The following PLXDC2 variants were observed in gnomAD, a reference collection of about 807,000 sequenced individuals.
The protein encoded by PLXDC2 is plexin domain containing 2.
A neutral mutation model predicts 68.9 loss-of-function variants in PLXDC2; 40 were observed. The ratio of observed to expected loss-of-function variants is 0.58; its 90% CI spans 0.45 to 0.76. PLXDC2 has a LOEUF of 0.76. PLXDC2 is among the 30% of genes least tolerant of loss of function. The pLI is 0.00. For synonymous variants in PLXDC2, 243 were observed against 234.2 expected, an observed-to-expected ratio of 1.04 and a Z score of -0.34; for missense variants, 644 against 661.9, an observed-to-expected ratio of 0.97 and a Z score of 0.30.
intron 1 of PLXDC2, among the ~76,000 whole-genome samples, chr10:19,982,421 G>A (rs1367377713): frequency 6.6e-6 from 1 of 152,128 alleles, no homozygotes; most frequent in Non-Finnish European, 1.5e-5. Flanking sequence ...GGATATCATA[G>A]ACTCCTAGGT....
intron 9 of PLXDC2, among the ~76,000 whole-genome samples, chr10:20,189,476 C>CATATAT (rs59999548): frequency 0.18 from 13,267 of 75,494 alleles, 1,259 homozygotes; most frequent in Middle Eastern, 0.21. Flanking sequence ...AAAGGTAGGC[C>CATATAT]ATATATATAT....
intron 13 of PLXDC2, among the ~76,000 whole-genome samples, chr10:20,255,191 G>GGATGGATAGATA (rs1491435152): frequency 1.1e-4 from 11 of 96,730 alleles, no homozygotes; most frequent in Admixed American, 8.9e-4. Flanking sequence ...ATAGGTGGAT[G>GGATGGATAGATA]GATAGATAGA....
intron 13 of PLXDC2, among the ~76,000 whole-genome samples, chr10:20,253,382 A>C (rs952228760): frequency 1.5e-4 from 23 of 149,870 alleles, no homozygotes; most frequent in African/African-American, 5.6e-4. Flanking sequence ...TAATAATAAT[A>C]ATAATAATAA....
At chr10:19,834,012 A>C (rs1321871857) in intron 1 of PLXDC2, among the ~76,000 whole-genome samples, 2 of 151,930 alleles carry the variant, frequency 1.3e-5, no homozygotes, top group Admixed American at 1.3e-4. Flanking sequence ...TCTAGCCCTA[A>C]ACATATGGGC....
chr10:19,856,209 A>C (rs984276851), intron 1 of PLXDC2, among the ~76,000 whole-genome samples: 1 of 152,148 alleles, frequency 6.6e-6, no homozygotes, highest in Non-Finnish European at 1.5e-5. Flanking sequence ...ATAGTGTAGA[A>C]TGTTTTGTGA....
intron 1 of PLXDC2, among the ~76,000 whole-genome samples, chr10:19,833,412 T>C (rs1836731363): frequency 6.6e-6 from 1 of 152,212 alleles, no homozygotes; most frequent in Non-Finnish European, 1.5e-5. Flanking sequence ...AAAGCTTTTC[T>C]CTTATTCACA....
At chr10:19,966,385 C>A (rs1834255069) in intron 1 of PLXDC2, among the ~76,000 whole-genome samples, 1 of 147,508 alleles carries the variant, frequency 6.8e-6, no homozygotes, top group African/African-American at 2.5e-5. Flanking sequence ...TATATATGTG[C>A]ACATATATAA....
intron 9 of PLXDC2, among the ~76,000 whole-genome samples, chr10:20,195,840 A>G (rs1379825477): frequency 6.6e-6 from 1 of 152,116 alleles, no homozygotes; most frequent in Non-Finnish European, 1.5e-5. Flanking sequence ...AAACACCAGA[A>G]GCCATTAAAC....
At chr10:20,188,672 G>GA (rs1177500633) in intron 9 of PLXDC2, among the ~76,000 whole-genome samples, 2 of 151,588 alleles carry the variant, frequency 1.3e-5, no homozygotes, top group Non-Finnish European at 2.9e-5. Flanking sequence ...AAATATTATA[G>GA]AAAAAATCTG....
chr10:20,269,298 G>A (rs912733914), intron 13 of PLXDC2, among the ~76,000 whole-genome samples: 15 of 141,256 alleles, frequency 1.1e-4, no homozygotes, highest in African/African-American at 3.6e-4. Flanking sequence ...TAAAGACAGA[G>A]GACACAAAAA....
intron 1 of PLXDC2, among the ~76,000 whole-genome samples, chr10:19,874,587 A>C (rs1837599684): frequency 6.6e-6 from 1 of 152,216 alleles, no homozygotes; most frequent in African/African-American, 2.4e-5. Context: ...TTAGAATATA[A>C]GGTGTCATAT....
intron 2 of PLXDC2, among the ~76,000 whole-genome samples, chr10:20,039,730 TA>T (rs1589599931): frequency 6.6e-6 from 1 of 152,286 alleles, no homozygotes; most frequent in East Asian, 1.9e-4. Context: ...AGTTTGCATA[TA>T]ATGTGTTTAT....
At chr10:19,958,971 T>A (rs567964072) in intron 1 of PLXDC2, among the ~76,000 whole-genome samples, 1 of 152,186 alleles carries the variant, frequency 6.6e-6, no homozygotes, top group Non-Finnish European at 1.5e-5. Context: ...AACAGATCAT[T>A]AACCAGGTTT....
chr10:20,076,290 GAGA>G (rs1420618274), intron 4 of PLXDC2, among the ~76,000 whole-genome samples: 1 of 152,184 alleles, frequency 6.6e-6, no homozygotes, highest in Non-Finnish European at 1.5e-5. Context: ...CATTTTCTTA[GAGA>G]AGAAGTTAGG....
chr10:19,991,259 A>AT lies in PLXDC2; in HGVS notation c.113-10516_113-10515insT, dbSNP rs1168934369. On this transcript the variant is annotated intron_variant, in intron 1 of 13. Transcript: ENST00000377252. ...GAAACTCTCTCTCAAAAAAAAAAAA[A>AT]CAACAACTGTGATTCAGTTTGTGAA... Among the ~76,000 whole-genome samples the AT allele has an allele frequency of 2.0e-5, 3 of 150,250 alleles. No homozygotes were observed. The East Asian group carries it at 5.8e-4, about 29-fold the overall frequency.
At chr10:20,027,705 A>C (rs932758351) in intron 2 of PLXDC2, among the ~76,000 whole-genome samples, 71 of 151,512 alleles carry the variant, frequency 4.7e-4, no homozygotes, top group African/African-American at 1.5e-3. Flanking sequence ...AAAAAAAAAA[A>C]CCCCATAAAA....
At chr10:19,876,852 G>C (rs1473564419) in intron 1 of PLXDC2, among the ~76,000 whole-genome samples, 2 of 152,030 alleles carry the variant, frequency 1.3e-5, no homozygotes, top group Admixed American at 1.3e-4. Context: ...CTTTTGGCTA[G>C]CTTAAAGTTG....
intron 1 of PLXDC2, among the ~76,000 whole-genome samples, chr10:19,936,508 C>T (rs10827909): frequency 0.19 from 28,445 of 152,118 alleles, 2,878 homozygotes; most frequent in East Asian, 0.27. Context: ...CAGGTGATGG[C>T]TGGAGTTGGC....
intron 1 of PLXDC2, among the ~76,000 whole-genome samples, chr10:19,831,872 G>T (rs1461411087): frequency 1.3e-5 from 2 of 152,070 alleles, no homozygotes; most frequent in African/African-American, 4.8e-5. Flanking sequence ...ATTGTAAATA[G>T]TACTGCAATG....
Sources: allele counts gnomAD v4.1 joint callset (sites outside exome capture counted in the v4.1 genomes callset), GRCh38; gene constraint gnomAD v4.1.1; transcripts MANE v1.5; gene names NCBI Gene and HGNC (gene_info 2026-07-23, HGNC 2026-07-21).